Variants in SCARB1 observed in about 807,000 individuals in gnomAD.
The protein encoded by SCARB1 is CD36 and LIMPII analogous 1.
SCARB1 carries 30 observed loss-of-function variants against 57.2 expected under a neutral mutation model. The observed-to-expected ratio is 0.52, with a 90% CI of 0.39 to 0.71. The LOEUF (loss-of-function observed/expected upper bound fraction) is 0.71, where lower values mean the gene tolerates loss of function less well. Among genes scored for constraint, SCARB1 ranks in the 30% least tolerant of loss-of-function variants. SCARB1 has a pLI of 0.00. For synonymous variants in SCARB1, 249 were observed against 268.3 expected (o/e 0.93, Z 0.70); for missense variants, 543 against 671.2 (o/e 0.81, Z 2.11).
At chr12:124,835,612 C>T (rs1951618174) in intron 1 of SCARB1, among the ~76,000 whole-genome samples, 1 of 151,790 alleles carries the variant, frequency 6.6e-6, no homozygotes, top group African/African-American at 2.4e-5. Context: ...CTCAAAATTT[C>T]TTATACACCG....
intron 1 of SCARB1, among the ~76,000 whole-genome samples, chr12:124,843,896 C>CA (rs1205836107): frequency 2.0e-5 from 3 of 152,230 alleles, no homozygotes; most frequent in African/African-American, 2.4e-5. Flanking sequence ...CACGTACCCT[C>CA]ACTGAGACCC....
intron 1 of SCARB1, among the ~76,000 whole-genome samples, chr12:124,842,409 G>C (rs1485197680): frequency 1.3e-5 from 2 of 152,252 alleles, no homozygotes; most frequent in Non-Finnish European, 2.9e-5. Context: ...AAAGGGGTTC[G>C]AGGAAGCTCC....
intron 1 of SCARB1, among the ~76,000 whole-genome samples, chr12:124,821,731 G>T (rs576954216): frequency 6.4e-4 from 97 of 152,152 alleles, no homozygotes; most frequent in Non-Finnish European, 1.2e-3. Context: ...TTAGAACAAG[G>T]TCTGAAGACC....
intron 1 of SCARB1, among the ~76,000 whole-genome samples, chr12:124,841,390 G>T (rs1157297549): frequency 1.4e-5 from 2 of 138,874 alleles, no homozygotes; most frequent in Admixed American, 1.4e-4. Context: ...AAAAAAAAAA[G>T]AGAATTGCTT....
chr12:124,849,093 T>C (rs1952286384), intron 1 of SCARB1, among the ~76,000 whole-genome samples: 1 of 152,234 alleles, frequency 6.6e-6, no homozygotes, highest in Non-Finnish European at 1.5e-5. Context: ...GTAAGTCACT[T>C]GCCTGAAGGC....
intron 1 of SCARB1, among the ~76,000 whole-genome samples, chr12:124,846,729 CAAAAAAAAAAA>C (rs5801572): frequency 0.022 from 1,019 of 46,106 alleles, 18 homozygotes; most frequent in African/African-American, 0.091. Flanking sequence ...GACTCCATCT[CAAAAAAAAAAA>C]AAAAAAAAAA....
At chr12:124,823,316 A>G (rs1424987403) in intron 1 of SCARB1, among the ~76,000 whole-genome samples, 1 of 152,256 alleles carries the variant, frequency 6.6e-6, no homozygotes, top group African/African-American at 2.4e-5. Context: ...TTAACTGCAA[A>G]TGGGCAAACG....
At chr12:124,803,079 C>T (rs1302815953) in intron 7 of SCARB1, among the ~76,000 whole-genome samples, 2 of 152,190 alleles carry the variant, frequency 1.3e-5, no homozygotes, top group African/African-American at 4.8e-5. Context: ...ACGAATTGCA[C>T]CAGGGTGCTA....
intron 1 of SCARB1, among the ~76,000 whole-genome samples, chr12:124,840,689 C>T (rs181400820): frequency 2.0e-5 from 3 of 152,288 alleles, no homozygotes; most frequent in Non-Finnish European, 2.9e-5. Context: ...GATTCCTCTC[C>T]TTCCCTCGCA....
intron 8 of SCARB1, 38 bp from the exon 9 acceptor site, chr12:124,795,306 C>G (rs764640671): frequency 1.3e-6 from 2 of 1,554,788 alleles, no homozygotes; most frequent in Non-Finnish European, 1.8e-6. Context: ...TGGCCACCCC[C>G]AAGCTCCAGG....
intron 1 of SCARB1, among the ~76,000 whole-genome samples, chr12:124,838,894 C>A (rs140462690): frequency 0.011 from 1,592 of 150,720 alleles, 25 homozygotes; most frequent in African/African-American, 0.037. Context: ...TCTGCCTCAG[C>A]CTCCTAAGTA....
At chr12:124,815,650 G>A (rs1269798848) in intron 2 of SCARB1, among the ~76,000 whole-genome samples, 1 of 152,190 alleles carries the variant, frequency 6.6e-6, no homozygotes, top group Non-Finnish European at 1.5e-5. Context: ...CAGATCACCT[G>A]ATGTCAGGAG....
intron 1 of SCARB1, among the ~76,000 whole-genome samples, chr12:124,850,793 T>C (rs534284426): frequency 6.6e-6 from 1 of 152,352 alleles, no homozygotes; most frequent in Middle Eastern, 3.4e-3. Flanking sequence ...TCTAATACTG[T>C]AACAGCCAGA....
intron 1 of SCARB1, among the ~76,000 whole-genome samples, chr12:124,849,410 A>G (rs1297115973): frequency 6.6e-6 from 1 of 152,142 alleles, no homozygotes; most frequent in Non-Finnish European, 1.5e-5. Context: ...ACCAGCCCTG[A>G]TATCTCCCCA....
At chr12:124,836,545 C>A (rs143733166) in intron 1 of SCARB1, among the ~76,000 whole-genome samples, 21 of 152,348 alleles carry the variant, frequency 1.4e-4, no homozygotes, top group South Asian at 4.1e-4. Flanking sequence ...GTAATCCCAG[C>A]ACTTTGGGAG....
At chr12:124,795,312 C>G in intron 8 of SCARB1, 44 bp from the exon 9 acceptor site, 1 of 1,507,002 alleles carries the variant, frequency 6.6e-7, no homozygotes, top group Non-Finnish European at 9.2e-7. Flanking sequence ...CCCCCAAGCT[C>G]CAGGGACACC....
chr12:124,802,168 C>T (rs917611148), intron 7 of SCARB1, among the ~76,000 whole-genome samples: 2 of 133,120 alleles, frequency 1.5e-5, no homozygotes, highest in South Asian at 2.4e-4. Flanking sequence ...AAAAAAAAGA[C>T]ATAGTTAAAA....
Position 124,817,635 on chromosome 12 carries a change from C to T in SCARB1, c.199G>A (p.Val67Ile), listed in dbSNP as rs765203973. 40 of 1,614,058 alleles carry T rather than the reference C, an allele frequency of 2.5e-5. No homozygotes were observed. The highest frequency in any genetic ancestry group is 1.6e-4 in the Middle Eastern group (1 of 6,084). Reference sequence around the variant, plus strand: ...GGGTTCATGACGTCAAAGAAGTAGACGGAGAGATAGAAGGGGATAGGGATC... The same window carrying T: ...GGGTTCATGACGTCAAAGAAGTAGATGGAGAGATAGAAGGGGATAGGGATC... ...KEIPIPFYLSVYFFDVMNPSE... is the reference protein window; with the variant it reads ...KEIPIPFYLSIYFFDVMNPSE... Residue 67 changes from valine (V) to isoleucine (I), a missense_variant, in exon 2 of 13, where the codon GTC (valine) becomes ATC (isoleucine). Transcript: ENST00000261693. This position sits in a 1 kb window ranked among gnomAD's most constrained non-coding sequence, Gnocchi z 4.8.
At chr12:124,848,381 C>T (rs1952247485) in intron 1 of SCARB1, among the ~76,000 whole-genome samples, 1 of 152,244 alleles carries the variant, frequency 6.6e-6, no homozygotes, top group Non-Finnish European at 1.5e-5. Flanking sequence ...CACGCCCGGC[C>T]AATTCAAAAT....
Sources: gnomAD v4.1 joint callset for allele counts (sites outside exome capture counted in the v4.1 genomes callset) on GRCh38, gnomAD v4.1.1 for gene constraint, Gnocchi (gnomAD v3.1) non-coding constraint, MANE v1.5 for transcripts, NCBI Gene and HGNC (gene_info 2026-07-23, HGNC 2026-07-21) for gene names.